The following PCBP3 variants were observed in gnomAD, a reference collection of about 807,000 sequenced individuals.
PCBP3 encodes poly(rC) binding protein 3, also known as poly(rC)-binding protein 3.
A neutral mutation model predicts 52.7 loss-of-function variants in PCBP3; 25 were observed. The ratio of observed to expected loss-of-function variants is 0.47; its 90% CI spans 0.35 to 0.66. The LOEUF is 0.66. Ranked by LOEUF, PCBP3 falls within the 30% of genes least tolerant of loss-of-function variation. The probability of loss-of-function intolerance (pLI) is 0.01; values close to 1 mark genes in which losing one functional copy is unlikely to be tolerated. For missense variants in PCBP3, 391 were observed against 490.3 expected (o/e 0.80, Z 1.91); for synonymous variants, 162 against 183.0 (o/e 0.89, Z 0.93).
intron 9 of PCBP3, among the ~76,000 whole-genome samples, chr21:45,908,601 C>T (rs1018945758): frequency 2.0e-5 from 3 of 151,642 alleles, no homozygotes; most frequent in Non-Finnish European, 4.4e-5. Flanking sequence ...GCCTCTGCCG[C>T]GCTGTCCGCC....
intron 5 of PCBP3, among the ~76,000 whole-genome samples, chr21:45,889,483 T>C (rs2095600987): frequency 6.6e-6 from 1 of 152,226 alleles, no homozygotes; most frequent in South Asian, 2.1e-4. Context: ...GGTCTCCACC[T>C]TGGGCAGACA....
At chr21:45,864,288 C>T (rs962068118) in intron 5 of PCBP3, among the ~76,000 whole-genome samples, 5 of 152,212 alleles carry the variant, frequency 3.3e-5, no homozygotes, top group East Asian at 1.9e-4. Context: ...GTCCAACATC[C>T]GAGTGAGGCG....
intron 5 of PCBP3, among the ~76,000 whole-genome samples, chr21:45,850,820 G>T (rs184230791): frequency 6.6e-6 from 1 of 152,338 alleles, no homozygotes; most frequent in East Asian, 1.9e-4. Flanking sequence ...ATGTGTACAG[G>T]TGAAATCTGT....
At chr21:45,717,363 A>G (rs2084295070) in intron 2 of PCBP3, among the ~76,000 whole-genome samples, 1 of 152,098 alleles carries the variant, frequency 6.6e-6, no homozygotes, top group African/African-American at 2.4e-5. Flanking sequence ...AAAACCTCCA[A>G]TACAGCGTTG....
chr21:45,648,071 A>G (rs1257319201), intron 1 of PCBP3, among the ~76,000 whole-genome samples: 1 of 152,222 alleles, frequency 6.6e-6, no homozygotes, highest in Non-Finnish European at 1.5e-5. Flanking sequence ...GCCTTTGGAA[A>G]AGGCAAGAAA....
In PCBP3 at chr21:45,896,378, A is replaced by G; in HGVS notation, c.165+16A>G. The G allele has an allele frequency of 1.3e-6, 2 of 1,551,034 alleles. No homozygotes were observed. Among genetic ancestry groups the G allele is most frequent in the Non-Finnish European group, 1.7e-6 (2 of 1,146,482 alleles). Reference sequence around the variant, plus strand: ...GCATGGAAAGGTAAGAGGAGCCGCCATTGTCTCTGTAGGAAAGGCGGCCGC... The same window carrying G: ...GCATGGAAAGGTAAGAGGAGCCGCCGTTGTCTCTGTAGGAAAGGCGGCCGC... On this transcript the variant is annotated intron_variant, in intron 6 of 17. Transcript: ENST00000681687.
Position 45,928,836 on chromosome 21 carries a change from G to A in PCBP3, c.718-1081G>A, listed in dbSNP as rs1027073768. Among the ~76,000 whole-genome samples the A allele has an allele frequency of 1.1e-4, 16 of 152,182 alleles. No homozygotes were observed. Among genetic ancestry groups the A allele is most frequent in the African/African-American group, 3.6e-4 (15 of 41,458 alleles). ...GGGTTGAATGTTCTGAAGGGAAAAT[G>A]CTGGGGAGGTGGTGCCCTCCCCAAA... is the stretch of plus-strand genomic sequence containing the variant. On this transcript the variant is annotated intron_variant, in intron 13 of 17. Coordinates refer to ENST00000681687, the MANE Select transcript of PCBP3 (RefSeq NM_001384156.1). The surrounding 1 kb of genome is among the most constrained non-coding windows in gnomAD (Gnocchi z 4.1).
At chr21:45,907,081 G>A (rs540980126) in intron 9 of PCBP3, among the ~76,000 whole-genome samples, 191 of 152,308 alleles carry the variant, frequency 1.3e-3, no homozygotes, top group Non-Finnish European at 2.1e-3. Flanking sequence ...TTCCTTCCTC[G>A]GGCTCCCTCA....
intron 2 of PCBP3, among the ~76,000 whole-genome samples, chr21:45,676,367 ATT>A (rs59624748): frequency 2.7e-4 from 41 of 150,568 alleles, no homozygotes; most frequent in African/African-American, 6.8e-4. Flanking sequence ...ACTTTACAGA[ATT>A]TTTTTTTTTA....
chr21:45,770,196 C>G (rs901012310), intron 4 of PCBP3, among the ~76,000 whole-genome samples: 1 of 152,178 alleles, frequency 6.6e-6, no homozygotes, highest in African/African-American at 2.4e-5. Flanking sequence ...GTCAAATTAG[C>G]GAACAGAAGA....
At chr21:45,785,530 C>G (rs1410234838) in intron 4 of PCBP3, among the ~76,000 whole-genome samples, 1 of 147,376 alleles carries the variant, frequency 6.8e-6, no homozygotes, top group Admixed American at 6.6e-5. Context: ...GCCCCCCGCC[C>G]GGCCAGCCGC....
chr21:45,837,725 T>C lies in PCBP3; in HGVS notation c.-125-12236T>C, dbSNP rs2093621139. Reference sequence around the variant, plus strand: ...TTTCCTGTGAGGCGAGCGAGCTTCCTAGGTGGCACTGCACGTTGCACCGCA... The same window carrying C: ...TTTCCTGTGAGGCGAGCGAGCTTCCCAGGTGGCACTGCACGTTGCACCGCA... On this transcript the variant is annotated intron_variant, in intron 4 of 17. Coordinates refer to ENST00000681687, the MANE Select transcript of PCBP3 (RefSeq NM_001384156.1). The surrounding 1 kb of genome is among the most constrained non-coding windows in gnomAD (Gnocchi z 4.1). Among the ~76,000 whole-genome samples the C allele has an allele frequency of 6.6e-6, 1 of 152,192 alleles. No individual in the cohort carries two copies.
intron 1 of PCBP3, among the ~76,000 whole-genome samples, chr21:45,667,087 T>TTTCC (rs1044405938): frequency 2.2e-5 from 3 of 135,138 alleles, no homozygotes; most frequent in African/African-American, 9.8e-5. Flanking sequence ...TCTTTCTTTC[T>TTTCC]TTCTTTCTTT....
At chr21:45,772,912 C>T (rs1239648098) in intron 4 of PCBP3, among the ~76,000 whole-genome samples, 1 of 151,962 alleles carries the variant, frequency 6.6e-6, no homozygotes, top group East Asian at 1.9e-4. Context: ...CCTTTGTTCA[C>T]TTTTTAGTGG....
intron 5 of PCBP3, among the ~76,000 whole-genome samples, chr21:45,885,964 T>G (rs184487198): frequency 7.9e-5 from 12 of 152,376 alleles, no homozygotes; most frequent in Non-Finnish European, 1.8e-4. Flanking sequence ...GATATTACGT[T>G]ATGAGACTCT....
intron 5 of PCBP3, among the ~76,000 whole-genome samples, chr21:45,860,434 C>G (rs2094466058): frequency 6.6e-6 from 1 of 152,192 alleles, no homozygotes; most frequent in African/African-American, 2.4e-5. Flanking sequence ...CATTTTACAC[C>G]ATGTTGCTGT....
chr21:45,906,755 C>T (rs1453698012), intron 9 of PCBP3, among the ~76,000 whole-genome samples: 1 of 152,166 alleles, frequency 6.6e-6, no homozygotes, highest in African/African-American at 2.4e-5. Context: ...ATTTAAGGTG[C>T]CATCCCGTTT....
At chr21:45,710,932 C>T (rs1390076582) in intron 2 of PCBP3, among the ~76,000 whole-genome samples, 1 of 152,178 alleles carries the variant, frequency 6.6e-6, no homozygotes, top group Non-Finnish European at 1.5e-5. Context: ...CAGCTTTGCC[C>T]ATTGGGGGCA....
chr21:45,686,705 G>A (rs932780640), intron 2 of PCBP3, among the ~76,000 whole-genome samples: 2 of 151,902 alleles, frequency 1.3e-5, no homozygotes, highest in African/African-American at 4.8e-5. Context: ...ATAAATAGAA[G>A]ATATATAAAA....
Sources: allele counts gnomAD v4.1 joint callset (sites outside exome capture counted in the v4.1 genomes callset), GRCh38; gene constraint gnomAD v4.1.1; non-coding constraint Gnocchi (gnomAD v3.1); transcripts MANE v1.5; gene names NCBI Gene and HGNC (gene_info 2026-07-23, HGNC 2026-07-21).